SH3BGRL2: variants seen among roughly 807,000 people sequenced by gnomAD.
SH3BGRL2 encodes SH3 domain binding glutamate rich protein like 2, also known as SH3 domain-binding glutamic acid-rich-like protein 2.
A neutral mutation model predicts 14.8 loss-of-function variants in SH3BGRL2; 21 were observed. The observed-to-expected ratio is 1.42, with a 90% CI of 1.01 to 2.05. SH3BGRL2 has a LOEUF of 2.05. Ranked by LOEUF, SH3BGRL2 falls within the 30% of genes most tolerant of loss-of-function variation. The pLI is 0.00. For missense variants in SH3BGRL2, 147 were observed against 130.8 expected (o/e 1.12, Z -0.61); for synonymous variants, 50 against 47.8 (o/e 1.05, Z -0.19).
chr6:79,552,323 AGTT>A, the SH3BGRL2 span, among the ~76,000 whole-genome samples: 1 of 152,162 alleles, frequency 6.6e-6, no homozygotes. Context: ...GTGCTTGTTT[AGTT>A]GTTGAATAAA....
intron 2 of SH3BGRL2, among the ~76,000 whole-genome samples, chr6:79,685,522 T>C (rs1770074110): frequency 6.6e-6 from 1 of 152,176 alleles, no homozygotes; most frequent in South Asian, 2.1e-4. Flanking sequence ...TGATTTTAAA[T>C]ATTAGACAGT....
chr6:79,686,676 A>AT (rs988326698), intron 2 of SH3BGRL2, among the ~76,000 whole-genome samples: 31 of 152,092 alleles, frequency 2.0e-4, no homozygotes, highest in Non-Finnish European at 3.1e-4. Flanking sequence ...ATTAAAAAGC[A>AT]TTTTTTTAAG....
At chr6:79,595,698 GA>G in the SH3BGRL2 span, among the ~76,000 whole-genome samples, 1 of 152,190 alleles carries the variant, frequency 6.6e-6, no homozygotes, top group Admixed American at 6.5e-5. Context: ...GGGCATCTAT[GA>G]AGAACAGCTT....
At chr6:79,590,426 TATATATATATATATATATATATA>T in the SH3BGRL2 span, among the ~76,000 whole-genome samples, 1 of 55,922 alleles carries the variant, frequency 1.8e-5, no homozygotes, top group Admixed American at 2.1e-4. Context: ...GAAAATGTGA[TATATATATATATATATATATATA>T]TATATATATA....
At chr6:79,622,490 G>T in the SH3BGRL2 span, among the ~76,000 whole-genome samples, 10 of 152,214 alleles carry the variant, frequency 6.6e-5, no homozygotes, top group South Asian at 1.9e-3. Context: ...CCTTTCAAAG[G>T]CCCAAGATTC....
In SH3BGRL2 at chr6:79,696,484, G is replaced by C. The variant is rs1013320285; in HGVS notation, c.232-1G>C. On this transcript the variant is annotated splice_acceptor_variant, in intron 2 of 3. Transcript: ENST00000369838. LOFTEE classifies it high-confidence loss of function. ...TATTTTCTGCTTCCCTTTTTTTCTA[G>C]GATTATGACAGTTTTTTTGAATCCA... 1 of 1,569,218 alleles carries C rather than the reference G, an allele frequency of 6.4e-7. No individual in the cohort carries two copies. Among genetic ancestry groups the C allele is most frequent in the Non-Finnish European group, 8.6e-7 (1 of 1,166,172 alleles).
At chr6:79,567,989 A>G in the SH3BGRL2 span, among the ~76,000 whole-genome samples, 1 of 152,218 alleles carries the variant, frequency 6.6e-6, no homozygotes, top group Non-Finnish European at 1.5e-5. Flanking sequence ...AAAGATGTCC[A>G]ACCTCATTCA....
rs1409704809 is a variant in SH3BGRL2, at chr6:79,701,382, G to A, written c.*1873G>A. 4 of 152,224 alleles carry A rather than the reference G, an allele frequency of 2.6e-5. No homozygotes were observed. The highest frequency in any genetic ancestry group is 4.2e-4 in the South Asian group (2 of 4,816). 9.4% of individuals were successfully genotyped at this position (152,224 alleles called of 1,614,324 possible). A position where few individuals can be genotyped will look rare whatever the true frequency, so the allele number is the denominator to read the frequency against. On this transcript the variant is annotated 3_prime_UTR_variant, in exon 4 of 4. Coordinates refer to ENST00000369838, the MANE Select transcript of SH3BGRL2 (RefSeq NM_031469.4). ...CTCAGCTAACATTTAGTCTACTCTT[G>A]CTAGTGAGTGCCAAGAACCAACTTG...
chr6:79,577,218 T>C, the SH3BGRL2 span, among the ~76,000 whole-genome samples: 1 of 152,208 alleles, frequency 6.6e-6, no homozygotes, highest in East Asian at 1.9e-4. Flanking sequence ...TTCTATTTTG[T>C]TTCAGTGATC....
At chr6:79,682,647 C>T (rs911606504) in intron 2 of SH3BGRL2, among the ~76,000 whole-genome samples, 6 of 152,352 alleles carry the variant, frequency 3.9e-5, no homozygotes, top group Non-Finnish European at 8.8e-5. Context: ...TCAGAGAAGA[C>T]TGCCCATCTG....
chr6:79,699,080 G>A (rs1227473740), intron 3 of SH3BGRL2, among the ~76,000 whole-genome samples: 2 of 151,882 alleles, frequency 1.3e-5, no homozygotes, highest in Non-Finnish European at 1.5e-5. Context: ...GTGCGCAGGG[G>A]TGGCAGTTGG....
the SH3BGRL2 span, among the ~76,000 whole-genome samples, chr6:79,593,353 A>G: frequency 1.3e-5 from 2 of 152,238 alleles, no homozygotes; most frequent in East Asian, 3.9e-4. Context: ...AACCCTACCT[A>G]GTGGTGTCAG....
At position 79,692,838 on chromosome 6, in the gene SH3BGRL2, G is replaced by A. The variant is rs577549510; in HGVS notation, c.232-3647G>A. On this transcript the variant is annotated intron_variant, in intron 2 of 3. Coordinates refer to ENST00000369838, the MANE Select transcript of SH3BGRL2 (RefSeq NM_031469.4). ...TGGCTTAGGATTGACTTGGCGATGC[G>A]GGCTCTTTTTTGGTTCCATATGAAC... is the stretch of plus-strand genomic sequence containing the variant. 2.4e-3 allele frequency among the ~76,000 whole-genome samples: 363 copies of A among 152,212 alleles called. 1 individual carries two copies. The highest frequency in any genetic ancestry group is 8.2e-3 in the African/African-American group (341 of 41,540).
Position 79,701,496 on chromosome 6 carries a change from T to C in SH3BGRL2, c.*1987T>C, listed in dbSNP as rs1045331943. Reference sequence around the variant, plus strand: ...AAAGCTACCCAGATTTGTCTTATATTATAATTTTTGAGTTAACCGTAGTAT... The same window carrying C: ...AAAGCTACCCAGATTTGTCTTATATCATAATTTTTGAGTTAACCGTAGTAT... On this transcript the variant is annotated 3_prime_UTR_variant, in exon 4 of 4. Transcript: ENST00000369838. 3.3e-5 allele frequency: 5 copies of C among 152,164 alleles called. No individual in the cohort carries two copies. Among genetic ancestry groups the C allele is most frequent in the African/African-American group, 9.7e-5 (4 of 41,428 alleles). The allele number at this position is 152,164 out of a possible 1,614,324, so 9.4% of individuals were successfully genotyped here.
At chr6:79,660,217 C>T (rs1053778751) in intron 1 of SH3BGRL2, among the ~76,000 whole-genome samples, 5 of 152,112 alleles carry the variant, frequency 3.3e-5, no homozygotes, top group Non-Finnish European at 5.9e-5. Flanking sequence ...TGTTTTGTGC[C>T]AGTTTTCAAA....
the SH3BGRL2 span, among the ~76,000 whole-genome samples, chr6:79,564,581 C>G: frequency 1.3e-5 from 2 of 152,128 alleles, no homozygotes; most frequent in Admixed American, 1.3e-4. Context: ...ATACCTTTCC[C>G]TCTTTCCTTT....
At chr6:79,576,090 G>A in the SH3BGRL2 span, among the ~76,000 whole-genome samples, 1 of 152,048 alleles carries the variant, frequency 6.6e-6, no homozygotes, top group Admixed American at 6.6e-5. Context: ...CCTAAACAAT[G>A]CAAGGACCTT....
At chr6:79,648,255 C>CGCATATATATATATATAT (rs749278658) in intron 1 of SH3BGRL2, among the ~76,000 whole-genome samples, 54 of 62,450 alleles carry the variant, frequency 8.6e-4, no homozygotes, top group Non-Finnish European at 1.4e-3. Context: ...ATTCTTTTGG[C>CGCATATATATATATATAT]ATATATATAT....
the SH3BGRL2 span, among the ~76,000 whole-genome samples, chr6:79,544,982 TA>T: frequency 6.6e-6 from 1 of 152,250 alleles, no homozygotes; most frequent in African/African-American, 2.4e-5. Context: ...CTACAGAAAC[TA>T]CTGCTTGAGT....
Sources: gnomAD v4.1 joint callset for allele counts (sites outside exome capture counted in the v4.1 genomes callset) on GRCh38, gnomAD v4.1.1 for gene constraint, MANE v1.5 for transcripts, NCBI Gene and HGNC (gene_info 2026-07-23, HGNC 2026-07-21) for gene names.